The following GLP1R variants were observed in gnomAD, a reference collection of about 807,000 sequenced individuals.
GLP1R encodes the protein glucagon like peptide 1 receptor.
GLP1R carries 32 observed loss-of-function variants against 68.4 expected under a neutral mutation model. The observed-to-expected ratio is 0.47, with a 90% confidence interval of 0.35 to 0.63. The LOEUF is 0.63. Among genes scored for constraint, GLP1R ranks in the 20% least tolerant of loss-of-function variants. The pLI, the probability that GLP1R is intolerant of heterozygous loss-of-function variation, is 0.00. For missense variants in GLP1R, 502 were observed against 594.9 expected (o/e 0.84, Z 1.62); for synonymous variants, 263 against 244.4 (o/e 1.08, Z -0.71).
rs1554173052 is a variant in GLP1R, at chr6:39,086,198, C to CACACAA, written c.*130_*131insAACACA. 257 of 574,026 alleles carry CACACAA rather than the reference C, an allele frequency of 4.5e-4. 1 individual carries two copies. Among genetic ancestry groups the CACACAA allele is most frequent in the African/African-American group, 3.8e-3 (204 of 54,058 alleles). 35.6% of individuals were successfully genotyped at this position (574,026 alleles called of 1,614,324 possible). On this transcript the variant is annotated 3_prime_UTR_variant, in exon 13 of 13. Transcript: ENST00000373256. The surrounding 1 kb of genome is among the most constrained non-coding windows in gnomAD (Gnocchi z 4.5). ...ACACACACACACACACACACACACA[C>CACACAA]ACACACATACATCCTGCTTTCCCTC... is the stretch of plus-strand genomic sequence containing the variant.
intron 5 of GLP1R, among the ~76,000 whole-genome samples, chr6:39,067,148 C>G (rs894026506): frequency 2.0e-5 from 3 of 152,228 alleles, no homozygotes; most frequent in African/African-American, 7.2e-5. Context: ...CCCTGCCCTA[C>G]ACCCATCAGA....
chr6:39,078,532 TCCCTGCCCCTGCCCCTGC>T lies in GLP1R; in HGVS notation c.884+162_884+179del, dbSNP rs759058979. ...GTGAATTTAGTTCTCTAATCTCCCC[TCCCTGCCCCTGCCCCTGC>T]CCCTGCCCCTGTCCCAGGATTGTTT... On this transcript the variant is annotated intron_variant, in intron 8 of 12. Coordinates refer to ENST00000373256, the MANE Select transcript of GLP1R (RefSeq NM_002062.5). 4.4e-6 allele frequency: 3 copies of T among 674,822 alleles called. No homozygotes were observed. The East Asian group carries it at 7.8e-5, about 17-fold the overall frequency. The allele number at this position is 674,822 out of a possible 1,614,324, so 41.8% of individuals were successfully genotyped here.
intron 7 of GLP1R, among the ~76,000 whole-genome samples, chr6:39,076,768 C>T (rs564197259): frequency 9.2e-5 from 14 of 152,154 alleles, no homozygotes; most frequent in South Asian, 2.1e-4. Flanking sequence ...GAGGGGCCAA[C>T]GGAGACGAGC....
chr6:39,053,343 C>T (rs750548950), intron 1 of GLP1R, among the ~76,000 whole-genome samples: 6 of 152,238 alleles, frequency 3.9e-5, no homozygotes, highest in Non-Finnish European at 8.8e-5. Context: ...GGGTCCAAAG[C>T]TTCCTCCCTG....
intron 7 of GLP1R, among the ~76,000 whole-genome samples, chr6:39,077,949 G>C (rs748467671): frequency 6.6e-6 from 1 of 152,176 alleles, no homozygotes; most frequent in East Asian, 1.9e-4. Flanking sequence ...CAGAGGGTTC[G>C]CCTGCTCCTT....
intron 3 of GLP1R, among the ~76,000 whole-genome samples, chr6:39,063,926 A>AACACACAC (rs530782175): frequency 0.031 from 3,994 of 130,174 alleles, 78 homozygotes; most frequent in African/African-American, 0.044. Context: ...ACAGACACAT[A>AACACACAC]ACACACACAC....
rs2150843174 is a variant in GLP1R at position 39,090,759 on chromosome 6, C to T, written c.*4686C>T. Among the ~76,000 whole-genome samples, 1 of 152,236 alleles carries T rather than the reference C, an allele frequency of 6.6e-6. No individual in the cohort carries two copies. Among genetic ancestry groups the T allele is most frequent in the Non-Finnish European group, 1.5e-5 (1 of 68,006 alleles). On this transcript the variant is annotated 3_prime_UTR_variant, in exon 13 of 13. Transcript: ENST00000373256. Reference sequence around the variant, plus strand: ...TCAAAGCAATTCAGGACAAGAAAAACATATCTAAATGAGAATGTTTAGATG... The same window carrying T: ...TCAAAGCAATTCAGGACAAGAAAAATATATCTAAATGAGAATGTTTAGATG...
chr6:39,062,625 G>A (rs2268650), intron 3 of GLP1R, among the ~76,000 whole-genome samples: 42,550 of 152,226 alleles, frequency 0.28, 7,384 homozygotes, highest in Non-Finnish European at 0.39. Flanking sequence ...CCTGCTGGGA[G>A]GAGACTGAAT....
chr6:39,090,631 G>T lies in GLP1R; in HGVS notation c.*4558G>T, dbSNP rs1769258731. ...TGAGGAGCAGGGCAGCCACCAGCTTGGATCCTAACTTACATTGGGTGGTGC... is the reference window on the plus strand; with the variant it reads ...TGAGGAGCAGGGCAGCCACCAGCTTTGATCCTAACTTACATTGGGTGGTGC... On this transcript the variant is annotated 3_prime_UTR_variant, in exon 13 of 13. Coordinates refer to ENST00000373256, the MANE Select transcript of GLP1R (RefSeq NM_002062.5). Among the ~76,000 whole-genome samples, 1 of 152,172 alleles carries T rather than the reference G, an allele frequency of 6.6e-6. No homozygotes were observed. Among genetic ancestry groups the T allele is most frequent in the Non-Finnish European group, 1.5e-5 (1 of 68,042 alleles).
At chr6:39,051,764 G>A (rs1768093989) in intron 1 of GLP1R, among the ~76,000 whole-genome samples, 1 of 152,092 alleles carries the variant, frequency 6.6e-6, no homozygotes. Context: ...GACCCTGTGT[G>A]TAACAGTCTG....
chr6:39,059,773 T>C (rs1463169757), intron 3 of GLP1R, among the ~76,000 whole-genome samples: 1 of 152,164 alleles, frequency 6.6e-6, no homozygotes, highest in Non-Finnish European at 1.5e-5. Flanking sequence ...GCTGGGCCTC[T>C]AGACCCCAGG....
In GLP1R at chr6:39,075,103, C is replaced by T. The variant is rs548635500; in HGVS notation, c.823+1334C>T. On this transcript the variant is annotated intron_variant, in intron 7 of 12. Coordinates refer to ENST00000373256, the MANE Select transcript of GLP1R (RefSeq NM_002062.5). ...GGGCCTGCGGCCATCATGCCCTGTT[C>T]TCTTGCCTGGGCTGCATCCCTTCAG... 2.6e-5 allele frequency among the ~76,000 whole-genome samples: 4 copies of T among 152,346 alleles called. No individual in the cohort carries two copies. The East Asian group carries it at 7.7e-4, about 30-fold the overall frequency.
chr6:39,050,898 C>T (rs1768071680), intron 1 of GLP1R, among the ~76,000 whole-genome samples: 2 of 152,076 alleles, frequency 1.3e-5, no homozygotes, highest in African/African-American at 4.8e-5. Context: ...TGACCTAACA[C>T]CTCCTACTCA....
At chr6:39,083,579 T>C (rs1272797244) in intron 12 of GLP1R, among the ~76,000 whole-genome samples, 1 of 152,182 alleles carries the variant, frequency 6.6e-6, no homozygotes, top group East Asian at 1.9e-4. Context: ...CTCAGAGCCC[T>C]GAGTGCTTGT....
chr6:39,073,706 C>T lies in GLP1R; in HGVS notation c.760C>T (p.Leu254=). The change falls in exon 7 of 13, where the codon CTG becomes TTG. Residue 254 remains leucine, a synonymous_variant. Transcript: ENST00000373256. The stretch of plus-strand genomic sequence containing the variant: ...GGTGGAGGGCGTGTACCTGTACACA[C>T]TGCTGGCCTTCTCGGTCTTATCTGA... ...LLVEGVYLYT[L]LAFSVLSEQW... 1 of 1,613,946 alleles carries T rather than the reference C, an allele frequency of 6.2e-7. No homozygotes were observed. The highest frequency in any genetic ancestry group is 8.5e-7 in the Non-Finnish European group (1 of 1,179,822).
chr6:39,058,353 G>A lies in GLP1R; in HGVS notation c.283+774G>A, dbSNP rs374786626. Among the ~76,000 whole-genome samples, 5 of 152,174 alleles carry A rather than the reference G, an allele frequency of 3.3e-5. No individual in the cohort carries two copies. In the South Asian group the frequency reaches 6.2e-4, roughly 19 times the overall value. On this transcript the variant is annotated intron_variant, in intron 3 of 12. Coordinates refer to ENST00000373256, the MANE Select transcript of GLP1R (RefSeq NM_002062.5). The stretch of plus-strand genomic sequence containing the variant: ...GTGATCAGGGCATTGGTGGGGTGAC[G>A]AACCCCACCAGACTCAGCCCTCCTC...
chr6:39,066,174 C>G, intron 4 of GLP1R, 23 bp from the exon 5 acceptor site: 1 of 1,310,196 alleles, frequency 7.6e-7, no homozygotes, highest in Non-Finnish European at 1.1e-6. Flanking sequence ...CCCATGTACA[C>G]GTATGTCCCC....
At position 39,079,167 on chromosome 6, in the gene GLP1R, C is replaced by G; in HGVS notation, c.1010C>G (p.Ala337Gly). The G allele has an allele frequency of 6.2e-7, 1 of 1,613,804 alleles. No individual in the cohort carries two copies. Among genetic ancestry groups the G allele is most frequent in the Non-Finnish European group, 8.5e-7 (1 of 1,179,754 alleles). Residue 337 changes from alanine (A) to glycine (G), a missense_variant, in exon 10 of 13, where the codon GCC becomes GGC. Ala to Gly is a moderately conservative substitution (Grantham distance 60). Transcript: ENST00000373256. This position sits in a 1 kb window ranked among gnomAD's most constrained non-coding sequence, Gnocchi z 4.5. Reference protein sequence around the residue: ...VICIVVSKLKANLMCKTDIKC... With the variant: ...VICIVVSKLKGNLMCKTDIKC... The stretch of plus-strand genomic sequence containing the variant: ...TGCATCGTGGTATCCAAACTGAAGG[C>G]CAATCTCATGTGCAAGACAGACATC...
chr6:39,077,242 C>G (rs77146510), intron 7 of GLP1R, among the ~76,000 whole-genome samples: 200 of 152,314 alleles, frequency 1.3e-3, no homozygotes, highest in African/African-American at 4.8e-3. Context: ...TGGGCATCCC[C>G]CACCCCCTGC....
Sources: gnomAD v4.1 joint callset for allele counts (sites outside exome capture counted in the v4.1 genomes callset) on GRCh38, gnomAD v4.1.1 for gene constraint, Gnocchi (gnomAD v3.1) non-coding constraint, MANE v1.5 for transcripts, NCBI Gene and HGNC (gene_info 2026-07-23, HGNC 2026-07-21) for gene names.